The following FRMPD2 variants were observed in gnomAD, a reference collection of about 807,000 sequenced individuals.
FRMPD2 encodes FERM and PDZ domain-containing protein 2.
FRMPD2 carries 96 observed loss-of-function variants against 140.1 expected under a neutral mutation model. The ratio of observed to expected loss-of-function variants is 0.69; its 90% CI spans 0.58 to 0.81. The LOEUF is 0.81. Ranked by LOEUF, FRMPD2 falls within the 40% of genes least tolerant of loss-of-function variation. FRMPD2 has a pLI of 0.00. For missense variants in FRMPD2, 1,240 were observed against 1,447.4 expected, an observed-to-expected ratio of 0.86 and a Z score of 2.32; for synonymous variants, 449 against 547.6, an observed-to-expected ratio of 0.82 and a Z score of 2.52.
intron 25 of FRMPD2, among the ~76,000 whole-genome samples, chr10:48,171,765 G>A (rs1209232681): frequency 2.0e-5 from 3 of 152,014 alleles, no homozygotes; most frequent in Non-Finnish European, 4.4e-5. Flanking sequence ...TATACATAAA[G>A]ATATAGCTGC....
At chr10:48,213,623 A>T (rs1839379989) in intron 12 of FRMPD2, among the ~76,000 whole-genome samples, 1 of 152,212 alleles carries the variant, frequency 6.6e-6, no homozygotes, top group African/African-American at 2.4e-5. Context: ...ACATCCAGAC[A>T]ATGAAATATT....
intron 1 of FRMPD2, among the ~76,000 whole-genome samples, chr10:48,269,860 GT>G (rs1840737646): frequency 1.3e-5 from 2 of 152,148 alleles, no homozygotes; most frequent in Non-Finnish European, 2.9e-5. Context: ...GTGAAGGCTT[GT>G]CCAGAATCCC....
intron 17 of FRMPD2, among the ~76,000 whole-genome samples, chr10:48,186,403 T>C (rs987190165): frequency 4.6e-5 from 7 of 152,170 alleles, no homozygotes; most frequent in African/African-American, 1.7e-4. Context: ...TTGAATTGTA[T>C]CTCCCAGAAT....
At chr10:48,232,405 A>G in intron 9 of FRMPD2, 116 bp from the exon 10 acceptor site, 2 of 710,616 alleles carry the variant, frequency 2.8e-6, no homozygotes, top group Non-Finnish European at 4.6e-6. Flanking sequence ...TGACAACTCT[A>G]AAAGATAAGT....
chr10:48,201,491 G>T (rs1839086492), intron 14 of FRMPD2, 107 bp from the exon 15 acceptor site: 4 of 896,610 alleles, frequency 4.5e-6, no homozygotes, highest in Non-Finnish European at 5.1e-6. Context: ...CCTGTAGCAG[G>T]CATCCACGGG....
chr10:48,206,912 A>T lies in FRMPD2; in HGVS notation c.1633T>A (p.Tyr545Asn). 6.2e-7 allele frequency: 1 copy of T among 1,613,872 alleles called. No individual in the cohort carries two copies. Among genetic ancestry groups the T allele is most frequent in the Non-Finnish European group, 8.5e-7 (1 of 1,179,856 alleles). Reference sequence around the variant, plus strand: ...AATACTTGGTGAACCAGCACACCGTATTCTGGGAGCTGCTGAGTGACCTGG... The same window carrying T: ...AATACTTGGTGAACCAGCACACCGTTTTCTGGGAGCTGCTGAGTGACCTGG... Reference protein sequence around the residue: ...FLRVTQQLPEYGVLVHQVFSE... With the variant: ...FLRVTQQLPENGVLVHQVFSE... The change falls in exon 14 of 29, where the codon TAC (tyrosine) becomes AAC (asparagine). Residue 545 changes from tyrosine to asparagine, a missense_variant. This residue lies in a region of FRMPD2 where 1,161 missense variants were observed against 1,055.9 expected (regional missense o/e 1.10). Coordinates refer to ENST00000374201, the MANE Select transcript of FRMPD2 (RefSeq NM_001018071.4).
chr10:48,247,707 G>GT (rs949074109), intron 3 of FRMPD2, among the ~76,000 whole-genome samples: 1 of 152,184 alleles, frequency 6.6e-6, no homozygotes, highest in African/African-American at 2.4e-5. Context: ...TTGCATTGGC[G>GT]TGGTCCTTTA....
Position 48,274,561 on chromosome 10 carries a change from G to C in FRMPD2, c.7C>G (p.Pro3Ala). 1.9e-6 allele frequency: 3 copies of C among 1,614,046 alleles called. No individual in the cohort carries two copies. The highest frequency in any genetic ancestry group is 1.6e-4 in the Middle Eastern group (1 of 6,062). MQ[P>A]LTKDAGMSLS... is the part of the protein sequence containing the mutation. ...GGAATACCTGCGTCCTTCGTTAAAG[G>C]CTGCATCCAAAAGTCTCCGTGACCA... The change falls in exon 1 of 29, where the codon CCT becomes GCT. Residue 3 changes from proline to alanine, a missense_variant. Coordinates refer to ENST00000374201, the MANE Select transcript of FRMPD2 (RefSeq NM_001018071.4).
At chr10:48,187,466 G>C (rs892696766) in intron 16 of FRMPD2, among the ~76,000 whole-genome samples, 174 bp from the exon 17 acceptor site, 1 of 152,138 alleles carries the variant, frequency 6.6e-6, no homozygotes, top group Non-Finnish European at 1.5e-5. Flanking sequence ...CCCCATCGAG[G>C]GCTGATCTAG....
At position 48,187,188 on chromosome 10, in the gene FRMPD2, A is replaced by C; in HGVS notation, c.2266+4T>G. 1 of 1,611,834 alleles carries C rather than the reference A, an allele frequency of 6.2e-7. No individual in the cohort carries two copies. Among genetic ancestry groups the C allele is most frequent in the Middle Eastern group, 1.7e-4 (1 of 6,056 alleles). On this transcript the variant is annotated splice_donor_region_variant and intron_variant, in intron 17 of 28. Transcript: ENST00000374201. Reference sequence around the variant, plus strand: ...CCAAGACCTGGTCGTGGCCTGGCCCATACCTGCATGCATGCTCTGAACAGG... The same window carrying C: ...CCAAGACCTGGTCGTGGCCTGGCCCCTACCTGCATGCATGCTCTGAACAGG...
chr10:48,222,035 T>TGG (rs1175895661), intron 12 of FRMPD2, among the ~76,000 whole-genome samples: 2 of 149,746 alleles, frequency 1.3e-5, no homozygotes, highest in Non-Finnish European at 3.0e-5. Context: ...GATGGATGGA[T>TGG]ATATGAATAG....
intron 10 of FRMPD2, among the ~76,000 whole-genome samples, chr10:48,225,572 C>A (rs1323813957): frequency 1.3e-5 from 2 of 152,188 alleles, no homozygotes; most frequent in Non-Finnish European, 2.9e-5. Context: ...CTTCCCCTTC[C>A]CCCAGCCTCC....
Position 48,172,087 on chromosome 10 carries a change from A to G in FRMPD2, c.3223+859T>C, listed in dbSNP as rs1588802969. On this transcript the variant is annotated intron_variant, in intron 25 of 28. Coordinates refer to ENST00000374201, the MANE Select transcript of FRMPD2 (RefSeq NM_001018071.4). ...GCATCAATGCACAGAGGGACAGAGC[A>G]CAGCTTGCAAACTTCACCAGGGCAA... Among the ~76,000 whole-genome samples the G allele has an allele frequency of 2.2e-5, 3 of 135,918 alleles. No individual in the cohort carries two copies. In the South Asian group the frequency reaches 8.3e-4, roughly 37 times the overall value. The allele number at this position is 135,918 out of a possible 152,430, so 89.2% of individuals were successfully genotyped here. A position where few individuals can be genotyped will look rare whatever the true frequency, so the allele number is the denominator to read the frequency against.
At chr10:48,209,786 G>A (rs927283547) in intron 13 of FRMPD2, among the ~76,000 whole-genome samples, 6 of 152,154 alleles carry the variant, frequency 3.9e-5, no homozygotes, top group Admixed American at 2.6e-4. Flanking sequence ...GAATGAAGCA[G>A]AAATACAGCT....
Position 48,238,070 on chromosome 10 carries a change from G to T in FRMPD2, c.842C>A (p.Ser281Tyr). Residue 281 changes from serine to tyrosine, a missense_variant, in exon 8 of 29, where the codon TCT becomes TAT. By Grantham distance (144) the Ser-to-Tyr change is moderately radical. This residue lies in a region of FRMPD2 where 1,161 missense variants were observed against 1,055.9 expected (regional missense o/e 1.10). Coordinates refer to ENST00000374201, the MANE Select transcript of FRMPD2 (RefSeq NM_001018071.4). ...GTCTGCTGCCGAGTGCACAGATCCA[G>T]AGCTGAGCCTCCGGCCCGCCTGCTG... ...QDQQAGRRLS[S>Y]GSVHSAADSS... 1 of 1,613,972 alleles carries T rather than the reference G, an allele frequency of 6.2e-7. No individual in the cohort carries two copies. Among genetic ancestry groups the T allele is most frequent in the African/African-American group, 1.3e-5 (1 of 75,068 alleles).
intron 23 of FRMPD2, among the ~76,000 whole-genome samples, chr10:48,175,524 C>T (rs1274254693): frequency 6.6e-6 from 1 of 151,262 alleles, no homozygotes; most frequent in African/African-American, 2.4e-5. Flanking sequence ...GTGAGTTTAC[C>T]GAGGCCCACT....
In FRMPD2 at chr10:48,156,772, A is replaced by G. The variant is rs1288420074; in HGVS notation, c.*550T>C. Reference sequence around the variant, plus strand: ...TCACATGGCAAGCAGAGTCGGTCAGACTTTGGACAAGTTTATTGACTTCTT... The same window carrying G: ...TCACATGGCAAGCAGAGTCGGTCAGGCTTTGGACAAGTTTATTGACTTCTT... On this transcript the variant is annotated 3_prime_UTR_variant, in exon 29 of 29. Coordinates refer to ENST00000374201, the MANE Select transcript of FRMPD2 (RefSeq NM_001018071.4). 5.3e-6 allele frequency: 1 copy of G among 187,060 alleles called. No individual in the cohort carries two copies. The highest frequency in any genetic ancestry group is 5.4e-5 in the Admixed American group (1 of 18,426). The allele number at this position is 187,060 out of a possible 1,614,324, so 11.6% of individuals were successfully genotyped here.
At chr10:48,169,154 G>A (rs1202938913) in intron 26 of FRMPD2, among the ~76,000 whole-genome samples, 2 of 152,092 alleles carry the variant, frequency 1.3e-5, no homozygotes, top group Non-Finnish European at 2.9e-5. Flanking sequence ...CCTCATCTTG[G>A]GCCAGCAATT....
At chr10:48,161,024 G>A (rs1335387431) in intron 28 of FRMPD2, among the ~76,000 whole-genome samples, 1 of 148,966 alleles carries the variant, frequency 6.7e-6, no homozygotes, top group African/African-American at 2.5e-5. Context: ...ATGTGATGAG[G>A]CAGAAAGCAT....
Sources: allele counts gnomAD v4.1 joint callset (sites outside exome capture counted in the v4.1 genomes callset), GRCh38; gene constraint gnomAD v4.1.1; regional missense constraint gnomAD v4.1.1; transcripts MANE v1.5; gene names NCBI Gene and HGNC (gene_info 2026-07-23, HGNC 2026-07-21).